The following CNTNAP2 variants were observed in gnomAD, a reference collection of about 807,000 sequenced individuals.
CNTNAP2 encodes contactin-associated protein-like 2.
In CNTNAP2, 98 loss-of-function variants were observed where a neutral mutation model predicts 155.2. The observed-to-expected ratio is 0.63, with a 90% CI of 0.54 to 0.75. CNTNAP2 has a LOEUF of 0.75. Among genes scored for constraint, CNTNAP2 ranks in the 30% least tolerant of loss-of-function variants. The pLI, the probability that CNTNAP2 is intolerant of heterozygous loss-of-function variation, is 0.00. For synonymous variants in CNTNAP2, 651 were observed against 631.2 expected (o/e 1.03, Z -0.47); for missense variants, 1,727 against 1,688.1 (o/e 1.02, Z -0.40).
chr7:146,875,321 T>G (rs1340167162), intron 3 of CNTNAP2, among the ~76,000 whole-genome samples: 1 of 152,178 alleles, frequency 6.6e-6, no homozygotes, highest in African/African-American at 2.4e-5. Flanking sequence ...TATCTTAGGA[T>G]CTGACTAAAA....
At chr7:147,235,216 G>A (rs1238344906) in intron 8 of CNTNAP2, among the ~76,000 whole-genome samples, 2 of 152,050 alleles carry the variant, frequency 1.3e-5, no homozygotes, top group South Asian at 2.1e-4. Context: ...ACTCAAACTA[G>A]TATTAAACTA....
At chr7:146,159,761 C>T (rs114767773) in intron 1 of CNTNAP2, among the ~76,000 whole-genome samples, 3,082 of 152,096 alleles carry the variant, frequency 0.02, 93 homozygotes, top group African/African-American at 0.068. Flanking sequence ...ATACATACAA[C>T]GAGACTTAGA....
At chr7:146,711,352 G>A (rs1801068739) in intron 1 of CNTNAP2, among the ~76,000 whole-genome samples, 2 of 145,334 alleles carry the variant, frequency 1.4e-5, no homozygotes, top group Non-Finnish European at 1.5e-5. Context: ...AAATATATAT[G>A]TATAATATAC....
chr7:147,668,045 C>T (rs371569986), intron 13 of CNTNAP2, among the ~76,000 whole-genome samples: 15 of 152,142 alleles, frequency 9.9e-5, no homozygotes, highest in African/African-American at 3.6e-4. Context: ...ACAACTTGAA[C>T]GTGGGTGTGG....
chr7:147,613,533 T>G (rs183827044), intron 12 of CNTNAP2, among the ~76,000 whole-genome samples: 1 of 152,104 alleles, frequency 6.6e-6, no homozygotes, highest in Non-Finnish European at 1.5e-5. Flanking sequence ...TTTCTTACAC[T>G]TTCTTTAAGA....
At chr7:147,317,798 G>GTA (rs796634955) in intron 9 of CNTNAP2, among the ~76,000 whole-genome samples, 1 of 85,304 alleles carries the variant, frequency 1.2e-5, no homozygotes, top group African/African-American at 5.5e-5. Context: ...GTGTGTGTGT[G>GTA]TATATGTATA....
At chr7:147,583,762 A>G (rs1038152975) in intron 12 of CNTNAP2, among the ~76,000 whole-genome samples, 4 of 152,084 alleles carry the variant, frequency 2.6e-5, no homozygotes, top group Non-Finnish European at 5.9e-5. Flanking sequence ...CATTATGTTT[A>G]CTGTCAGTGT....
intron 3 of CNTNAP2, among the ~76,000 whole-genome samples, chr7:146,957,018 A>T (rs1281782392): frequency 6.6e-6 from 1 of 152,178 alleles, no homozygotes; most frequent in Non-Finnish European, 1.5e-5. Context: ...CATCATCATG[A>T]ACAGTCATGT....
chr7:147,881,350 T>A (rs1799517366), intron 13 of CNTNAP2, among the ~76,000 whole-genome samples: 1 of 152,206 alleles, frequency 6.6e-6, no homozygotes, highest in Non-Finnish European at 1.5e-5. Context: ...GCATTAGCAT[T>A]ACCAAAGGTG....
intron 11 of CNTNAP2, among the ~76,000 whole-genome samples, chr7:147,510,727 C>G (rs1799001051): frequency 6.6e-6 from 1 of 150,842 alleles, no homozygotes; most frequent in African/African-American, 2.4e-5. Context: ...CTAGTATGCA[C>G]TTTACAAAAG....
chr7:148,383,624 A>G (rs756214847), intron 21 of CNTNAP2, 25 bp from the exon 22 acceptor site: 44 of 1,614,064 alleles, frequency 2.7e-5, no homozygotes, highest in Non-Finnish European at 3.7e-5. Flanking sequence ...GTCAAGTAAC[A>G]TTTTCATTTC....
intron 3 of CNTNAP2, among the ~76,000 whole-genome samples, chr7:146,854,961 T>C (rs1794948144): frequency 6.6e-6 from 1 of 152,202 alleles, no homozygotes; most frequent in Non-Finnish European, 1.5e-5. Flanking sequence ...CTATGTATAA[T>C]TGATGCTAAC....
chr7:146,314,339 A>G (rs1800874783), intron 1 of CNTNAP2, among the ~76,000 whole-genome samples: 2 of 152,274 alleles, frequency 1.3e-5, no homozygotes, highest in Admixed American at 1.3e-4. Flanking sequence ...AAGTTGTGCT[A>G]TCGCCTTGAG....
chr7:147,896,477 C>A (rs561804002), intron 13 of CNTNAP2, among the ~76,000 whole-genome samples: 5 of 152,256 alleles, frequency 3.3e-5, no homozygotes, highest in Admixed American at 6.5e-5. Context: ...TCTCCCCAAG[C>A]ATTTGGGGAT....
intron 15 of CNTNAP2, among the ~76,000 whole-genome samples, chr7:147,983,716 T>C (rs1801572168): frequency 6.6e-6 from 1 of 152,206 alleles, no homozygotes; most frequent in African/African-American, 2.4e-5. Flanking sequence ...TGGAGATTGG[T>C]TAAAAGAGTT....
chr7:148,370,461 T>A (rs1438617028), intron 21 of CNTNAP2, among the ~76,000 whole-genome samples: 22 of 152,194 alleles, frequency 1.4e-4, no homozygotes, highest in Admixed American at 1.4e-3. Flanking sequence ...CTCAGGCTGT[T>A]TCTTTTCTGG....
chr7:148,339,902 C>T (rs1041409653), intron 21 of CNTNAP2, among the ~76,000 whole-genome samples: 6 of 151,970 alleles, frequency 3.9e-5, no homozygotes, highest in Admixed American at 6.6e-5. Flanking sequence ...ACTACCAAGT[C>T]TACTCCACAG....
rs75727838 is a variant in CNTNAP2 at position 147,878,994 on chromosome 7, T to G, written c.2099-24571T>G. On this transcript the variant is annotated intron_variant, in intron 13 of 23. Coordinates refer to ENST00000361727, the MANE Select transcript of CNTNAP2 (RefSeq NM_014141.6). ...TTACGGTTTTCACAATGACACACAC[T>G]TCTGTTGGTTTATTACTAACCATAG... 1.0e-3 allele frequency among the ~76,000 whole-genome samples: 156 copies of G among 152,348 alleles called. 4 individuals carry two copies. In the East Asian group the frequency reaches 0.029, roughly 28 times the overall value.
chr7:146,395,779 T>TAGATGATAGATAGATA (rs11462122), intron 1 of CNTNAP2, among the ~76,000 whole-genome samples: 3 of 122,022 alleles, frequency 2.5e-5, no homozygotes, highest in African/African-American at 1.1e-4. Flanking sequence ...GATAGACAGA[T>TAGATGATAGATAGATA]GATAGATAGA....
Sources: allele counts gnomAD v4.1 joint callset (sites outside exome capture counted in the v4.1 genomes callset), GRCh38; gene constraint gnomAD v4.1.1; transcripts MANE v1.5; gene names NCBI Gene and HGNC (gene_info 2026-07-23, HGNC 2026-07-21).